The following TRAPPC9 variants were observed in gnomAD, a reference collection of about 807,000 sequenced individuals.
The protein encoded by TRAPPC9 is trafficking protein particle complex subunit 9.
Under a neutral mutation model 124.0 loss-of-function variants are expected in TRAPPC9, and 83 were observed. That is an observed-to-expected ratio of 0.67 (90% CI 0.56 to 0.80). The LOEUF (loss-of-function observed/expected upper bound fraction) is 0.80. Among genes scored for constraint, TRAPPC9 ranks in the 30% least tolerant of loss-of-function variants. TRAPPC9 has a pLI of 0.00. For synonymous variants in TRAPPC9, 638 were observed against 617.5 expected, an observed-to-expected ratio of 1.03 and a Z score of -0.49; for missense variants, 1,302 against 1,508.3, an observed-to-expected ratio of 0.86 and a Z score of 2.27.
intron 17 of TRAPPC9, among the ~76,000 whole-genome samples, chr8:140,149,230 T>C (rs1469966953): frequency 1.3e-5 from 2 of 152,052 alleles, no homozygotes; most frequent in Non-Finnish European, 2.9e-5. Context: ...AACAGCAGCA[T>C]GGTCAGCACG....
At chr8:139,842,890 A>C (rs1306308135) in intron 21 of TRAPPC9, among the ~76,000 whole-genome samples, 1 of 152,138 alleles carries the variant, frequency 6.6e-6, no homozygotes, top group Admixed American at 6.5e-5. Flanking sequence ...CACCCCTCTA[A>C]TCTTAAGCAG....
intron 20 of TRAPPC9, among the ~76,000 whole-genome samples, chr8:139,889,896 T>C (rs529327422): frequency 1.4e-4 from 21 of 152,302 alleles, no homozygotes; most frequent in Middle Eastern, 3.4e-3. Flanking sequence ...TGTGTGTTCA[T>C]TCATTTTGCG....
rs141452172 is a variant in TRAPPC9 at position 140,347,957 on chromosome 8, A to C, written c.1495+12093T>G. ...AATGGGTGTCTTTTCCTTCAAAGAA[A>C]CATAAACATATATCATCACCCCACC... On this transcript the variant is annotated intron_variant, in intron 9 of 22. Coordinates refer to ENST00000438773, the MANE Select transcript of TRAPPC9 (RefSeq NM_001160372.4). Among the ~76,000 whole-genome samples, 503 of 152,372 alleles carry C rather than the reference A, an allele frequency of 3.3e-3. 2 individuals carry two copies. The highest frequency in any genetic ancestry group is 0.011 in the African/African-American group (472 of 41,582).
chr8:140,369,380 T>A (rs1008439497), intron 8 of TRAPPC9, among the ~76,000 whole-genome samples: 11 of 152,136 alleles, frequency 7.2e-5, no homozygotes, highest in African/African-American at 2.7e-4. Flanking sequence ...GCAGAAACTG[T>A]CTCCTTTGCC....
At chr8:139,737,670 C>T (rs887541680) in intron 21 of TRAPPC9, among the ~76,000 whole-genome samples, 1 of 152,194 alleles carries the variant, frequency 6.6e-6, no homozygotes, top group African/African-American at 2.4e-5. Flanking sequence ...AGCTGCTTGT[C>T]GAGGAGCTGT....
At chr8:140,174,624 T>C (rs2062026195) in intron 17 of TRAPPC9, among the ~76,000 whole-genome samples, 2 of 152,198 alleles carry the variant, frequency 1.3e-5, no homozygotes, top group South Asian at 2.1e-4. Context: ...TCTGTCTCCA[T>C]GGAATTGCCT....
intron 21 of TRAPPC9, among the ~76,000 whole-genome samples, chr8:139,752,426 CATCT>C (rs1335100257): frequency 2.6e-5 from 4 of 151,374 alleles, no homozygotes; most frequent in Non-Finnish European, 5.9e-5. Flanking sequence ...TCCATCCATC[CATCT>C]AACATCTACC....
intron 9 of TRAPPC9, among the ~76,000 whole-genome samples, chr8:140,319,239 G>C (rs1439524352): frequency 6.9e-6 from 1 of 145,498 alleles, no homozygotes; most frequent in Non-Finnish European, 1.5e-5. Flanking sequence ...GCAGTGGCGC[G>C]ATCTCGGCTC....
rs369518528 is a variant in TRAPPC9, at chr8:139,790,349, G to A, written c.3056-58147C>T. ...CCACCTAGAGTTTCAGAAACTGTGC[G>A]CTGAGAATGAAAGAGACCGGGGAGC... On this transcript the variant is annotated intron_variant, in intron 21 of 22. Coordinates refer to ENST00000438773, the MANE Select transcript of TRAPPC9 (RefSeq NM_001160372.4). Among the ~76,000 whole-genome samples, 10 of 152,292 alleles carry A rather than the reference G, an allele frequency of 6.6e-5. No individual in the cohort carries two copies. In the South Asian group the frequency reaches 1.0e-3, roughly 16 times the overall value.
intron 17 of TRAPPC9, among the ~76,000 whole-genome samples, chr8:140,187,890 G>T (rs781081485): frequency 2.0e-4 from 31 of 152,242 alleles, no homozygotes; most frequent in Non-Finnish European, 3.2e-4. Flanking sequence ...GCCCAGGCTG[G>T]TCTCAACTTC....
intron 18 of TRAPPC9, among the ~76,000 whole-genome samples, chr8:140,008,254 G>C (rs1040613212): frequency 6.6e-6 from 1 of 152,248 alleles, no homozygotes; most frequent in South Asian, 2.1e-4. Flanking sequence ...GCAGGGTGCT[G>C]CGTGGAGCCT....
At chr8:140,281,803 AGT>A (rs2065330016) in intron 14 of TRAPPC9, among the ~76,000 whole-genome samples, 1 of 152,178 alleles carries the variant, frequency 6.6e-6, no homozygotes, top group African/African-American at 2.4e-5. Flanking sequence ...GTTATACGTC[AGT>A]GTCTCCACCT....
intron 21 of TRAPPC9, among the ~76,000 whole-genome samples, chr8:139,839,648 C>T (rs952753939): frequency 8.5e-5 from 13 of 152,206 alleles, no homozygotes; most frequent in South Asian, 2.1e-4. Flanking sequence ...ATGCTCATGG[C>T]GCATTCCTTC....
chr8:140,245,487 GTGTGTC>G (rs1394050636), intron 16 of TRAPPC9, among the ~76,000 whole-genome samples: 89 of 152,156 alleles, frequency 5.8e-4, no homozygotes, highest in African/African-American at 2.1e-3. Flanking sequence ...GTGTGTGTGT[GTGTGTC>G]TGTAAAATAC....
chr8:140,173,490 C>T lies in TRAPPC9; in HGVS notation c.2556+47969G>A, dbSNP rs183995303. Among the ~76,000 whole-genome samples the T allele has an allele frequency of 1.7e-3, 243 of 145,496 alleles. 2 individuals are homozygous for T. The highest frequency in any genetic ancestry group is 7.3e-3 in the Middle Eastern group (2 of 274). Reference sequence around the variant, plus strand: ...AATGGCGTGAACCCAGGACGTGGAGCGTGCAGTGAGCCGAGATCGCACCAC... The same window carrying T: ...AATGGCGTGAACCCAGGACGTGGAGTGTGCAGTGAGCCGAGATCGCACCAC... On this transcript the variant is annotated intron_variant, in intron 17 of 22. Coordinates refer to ENST00000438773, the MANE Select transcript of TRAPPC9 (RefSeq NM_001160372.4).
chr8:140,393,616 T>C (rs1251243529), intron 7 of TRAPPC9, among the ~76,000 whole-genome samples: 7 of 152,150 alleles, frequency 4.6e-5, no homozygotes, highest in Non-Finnish European at 1.0e-4. Flanking sequence ...AGATGTATTA[T>C]TTATCAGTTT....
chr8:140,248,516 A>G (rs1479716322), intron 16 of TRAPPC9, among the ~76,000 whole-genome samples: 1 of 152,222 alleles, frequency 6.6e-6, no homozygotes, highest in African/African-American at 2.4e-5. Flanking sequence ...GTTTGTCCAC[A>G]TCTACTTATA....
Position 140,252,812 on chromosome 8 carries a change from G to A in TRAPPC9, c.2396C>T (p.Ser799Phe), listed in dbSNP as rs763786072. 3 of 1,613,966 alleles carry A rather than the reference G, an allele frequency of 1.9e-6. No homozygotes were observed. Among genetic ancestry groups the A allele is most frequent in the Admixed American group, 3.3e-5 (2 of 60,002 alleles). Reference protein sequence around the residue: ...TINIKVKLDFSCQENLLQDLS... With the variant: ...TINIKVKLDFFCQENLLQDLS... ...ATCCTGCAGGAGATTCTCCTGGCAG[G>A]AGAAATCCAGCTTCACTTTGATGTT... is the stretch of plus-strand genomic sequence containing the variant. Residue 799 changes from serine (S) to phenylalanine (F), a missense_variant, in exon 16 of 23, where the codon TCC becomes TTC. This residue lies in a region of TRAPPC9 where 640 missense variants were observed against 679.3 expected (regional missense o/e 0.94). Coordinates refer to ENST00000438773, the MANE Select transcript of TRAPPC9 (RefSeq NM_001160372.4). This position sits in a 1 kb window ranked among gnomAD's most constrained non-coding sequence, Gnocchi z 4.2.
At chr8:140,243,873 T>TG (rs2063918764) in intron 16 of TRAPPC9, among the ~76,000 whole-genome samples, 1 of 152,266 alleles carries the variant, frequency 6.6e-6, no homozygotes, top group African/African-American at 2.4e-5. Context: ...CAACCCCTGG[T>TG]GGCCTGTTAG....
Sources: gnomAD v4.1 joint callset for allele counts (sites outside exome capture counted in the v4.1 genomes callset) on GRCh38, gnomAD v4.1.1 for gene constraint, gnomAD v4.1.1 regional missense constraint, Gnocchi (gnomAD v3.1) non-coding constraint, MANE v1.5 for transcripts, NCBI Gene and HGNC (gene_info 2026-07-23, HGNC 2026-07-21) for gene names.